Variants in EPB41 observed in about 807,000 individuals in gnomAD.
The protein encoded by EPB41 is protein 4.1.
Under a neutral mutation model 108.0 loss-of-function variants are expected in EPB41, and 65 were observed. That is an observed-to-expected ratio of 0.60 (90% CI 0.49 to 0.74). The LOEUF (loss-of-function observed/expected upper bound fraction) is 0.74, where lower values mean the gene tolerates loss of function less well. Ranked by LOEUF, EPB41 falls within the 30% of genes least tolerant of loss-of-function variation. The pLI, the probability that EPB41 is intolerant of heterozygous loss-of-function variation, is 0.00. For synonymous variants in EPB41, 336 were observed against 358.9 expected, an observed-to-expected ratio of 0.94 and a Z score of 0.72; for missense variants, 875 against 1,037.0, an observed-to-expected ratio of 0.84 and a Z score of 2.15.
At chr1:28,981,293 G>T (rs1048045169) in intron 1 of EPB41, among the ~76,000 whole-genome samples, 1 of 152,158 alleles carries the variant, frequency 6.6e-6, no homozygotes, top group Non-Finnish European at 1.5e-5. Flanking sequence ...TAACACAAAA[G>T]ATGGGAAAAT....
rs386366593 is a variant in EPB41, at chr1:29,086,940, C to CTTTTTT, written c.2185-10850_2185-10845dup. 1.1e-3 allele frequency among the ~76,000 whole-genome samples: 107 copies of CTTTTTT among 98,542 alleles called. 3 individuals are homozygous for CTTTTTT. Among genetic ancestry groups the CTTTTTT allele is most frequent in the African/African-American group, 3.9e-3 (98 of 25,184 alleles). The allele number at this position is 98,542 out of a possible 152,430, so 64.6% of individuals were successfully genotyped here. On this transcript the variant is annotated intron_variant, in intron 16 of 20. Transcript: ENST00000343067. ...CACTCTTGTAAGCTTAACTGTGGTT[C>CTTTTTT]TTTTTTTTTTTTTTTTTTTTTTGAG...
intron 17 of EPB41, among the ~76,000 whole-genome samples, chr1:29,100,690 TATA>T (rs1488081101): frequency 1.4e-5 from 2 of 146,682 alleles, no homozygotes; most frequent in African/African-American, 2.5e-5. Context: ...ATTATATAAT[TATA>T]ATATATATTT....
At chr1:28,991,765 C>CT (rs1239646231) in intron 2 of EPB41, among the ~76,000 whole-genome samples, 2 of 150,470 alleles carry the variant, frequency 1.3e-5, no homozygotes, top group African/African-American at 4.9e-5. Context: ...TGGTATGTGA[C>CT]TTATTAATTG....
At chr1:28,918,809 T>TAGAGG (rs1360886858) in intron 1 of EPB41, among the ~76,000 whole-genome samples, 2 of 152,210 alleles carry the variant, frequency 1.3e-5, no homozygotes, top group African/African-American at 4.8e-5. Flanking sequence ...AGCATTTAGT[T>TAGAGG]AGAGGAGAGG....
chr1:28,941,051 A>G (rs760469249), intron 1 of EPB41, among the ~76,000 whole-genome samples: 2 of 152,138 alleles, frequency 1.3e-5, no homozygotes, highest in Non-Finnish European at 2.9e-5. Context: ...TAAACAGAAT[A>G]TCACATTATC....
At chr1:29,068,628 A>G (rs1357838688) in intron 16 of EPB41, 2 of 650,698 alleles carry the variant, frequency 3.1e-6, no homozygotes, top group Middle Eastern at 4.7e-4. Context: ...TTTCTTTAAC[A>G]ATTGGGATAC....
intron 19 of EPB41, among the ~76,000 whole-genome samples, chr1:29,114,041 TG>T (rs1242125603): frequency 6.6e-6 from 1 of 152,118 alleles, no homozygotes; most frequent in Non-Finnish European, 1.5e-5. Context: ...GTTCTAAGAA[TG>T]CCATTCATAG....
At chr1:29,028,291 T>C (rs1016585876) in intron 7 of EPB41, among the ~76,000 whole-genome samples, 4 of 152,230 alleles carry the variant, frequency 2.6e-5, no homozygotes, top group African/African-American at 9.6e-5. Context: ...ACTTAATGTT[T>C]TAAAATTTGT....
At chr1:28,962,970 T>G (rs762478705) in intron 1 of EPB41, among the ~76,000 whole-genome samples, 1 of 152,322 alleles carries the variant, frequency 6.6e-6, no homozygotes, top group Non-Finnish European at 1.5e-5. Context: ...TGTAACATTT[T>G]AGACATTTAT....
At position 29,056,277 on chromosome 1, in the gene EPB41, A is replaced by C. The variant is rs941885425; in HGVS notation, c.1846-2312A>C. Among the ~76,000 whole-genome samples, 12 of 151,866 alleles carry C rather than the reference A, an allele frequency of 7.9e-5. No individual in the cohort carries two copies. In the South Asian group the frequency reaches 2.1e-3, roughly 26 times the overall value. On this transcript the variant is annotated intron_variant, in intron 12 of 20. Coordinates refer to ENST00000343067, the MANE Select transcript of EPB41 (RefSeq NM_001376013.1). Reference sequence around the variant, plus strand: ...AAACAACAAAACAAAACAAAACAAAACAAAAAAAAAACTATGGCATTTACT... The same window carrying C: ...AAACAACAAAACAAAACAAAACAAACCAAAAAAAAAACTATGGCATTTACT...
chr1:29,016,484 C>T (rs1016183443), intron 6 of EPB41, among the ~76,000 whole-genome samples: 11 of 151,876 alleles, frequency 7.2e-5, no homozygotes, highest in African/African-American at 1.2e-4. Context: ...CCACTGCACC[C>T]GGCCCCACCA....
At chr1:28,992,644 G>A (rs1400987479) in intron 2 of EPB41, among the ~76,000 whole-genome samples, 5 of 152,262 alleles carry the variant, frequency 3.3e-5, no homozygotes, top group African/African-American at 4.8e-5. Context: ...AGCCGAGATC[G>A]CGCCACTGCA....
chr1:29,097,522 T>G (rs1409281834), intron 16 of EPB41: 4 of 447,634 alleles, frequency 8.9e-6, no homozygotes, highest in Non-Finnish European at 1.6e-5. Flanking sequence ...AAGGTCAGTC[T>G]GAAGTGTTTT....
upstream of EPB41, among the ~76,000 whole-genome samples, chr1:28,913,813 G>C (rs1343106435): frequency 6.6e-6 from 1 of 152,146 alleles, no homozygotes; most frequent in Non-Finnish European, 1.5e-5. Context: ...CTTCTGGAAG[G>C]AAATAAAGAC....
intron 16 of EPB41, among the ~76,000 whole-genome samples, chr1:29,088,680 T>C (rs1052838878): frequency 2.6e-5 from 4 of 152,234 alleles, no homozygotes; most frequent in African/African-American, 9.6e-5. Context: ...TCTTGTCTTC[T>C]GGCTTCTCAG....
chr1:28,961,428 A>G (rs528219309), intron 1 of EPB41, among the ~76,000 whole-genome samples: 2 of 152,318 alleles, frequency 1.3e-5, no homozygotes, highest in East Asian at 3.9e-4. Context: ...AATAAAGGAT[A>G]AAGTAGCACA....
chr1:29,104,719 G>A (rs544448773), intron 17 of EPB41, among the ~76,000 whole-genome samples: 75 of 152,234 alleles, frequency 4.9e-4, no homozygotes, highest in African/African-American at 1.7e-3. Context: ...GAGTAGCTGG[G>A]ATTACAGGTG....
chr1:29,002,482 A>G (rs551807735), intron 4 of EPB41, among the ~76,000 whole-genome samples: 1 of 152,222 alleles, frequency 6.6e-6, no homozygotes, highest in East Asian at 1.9e-4. Flanking sequence ...TTATTGTTTT[A>G]AAATGAAATT....
At chr1:28,956,324 G>A (rs951077108) in intron 1 of EPB41, among the ~76,000 whole-genome samples, 3 of 152,282 alleles carry the variant, frequency 2.0e-5, no homozygotes, top group African/African-American at 2.4e-5. Flanking sequence ...AATAACAAAG[G>A]CAACAAAGGC....
Sources: allele counts gnomAD v4.1 joint callset (sites outside exome capture counted in the v4.1 genomes callset), GRCh38; gene constraint gnomAD v4.1.1; transcripts MANE v1.5; gene names NCBI Gene and HGNC (gene_info 2026-07-23, HGNC 2026-07-21).